SYNE1: variants seen among roughly 807,000 people sequenced by gnomAD.
SYNE1 encodes the protein nesprin-1.
SYNE1 carries 616 observed loss-of-function variants against 1,111.0 expected under a neutral mutation model. The observed-to-expected ratio is 0.55, with a 90% CI of 0.52 to 0.59. The LOEUF is 0.59. SYNE1 is among the 20% of genes least tolerant of loss of function. The probability of loss-of-function intolerance (pLI) is 0.00; values close to 1 mark genes in which losing one functional copy is unlikely to be tolerated. For missense variants in SYNE1, 10,006 were observed against 10,417.0 expected, an observed-to-expected ratio of 0.96 and a Z score of 1.72; for synonymous variants, 3,855 against 3,825.8, an observed-to-expected ratio of 1.01 and a Z score of -0.28.
intron 75 of SYNE1, among the ~76,000 whole-genome samples, chr6:152,338,233 C>G (rs2096449971): frequency 6.6e-6 from 1 of 152,044 alleles, no homozygotes; most frequent in African/African-American, 2.4e-5. Flanking sequence ...AGAGAAAAAC[C>G]TTATTATTTT....
At chr6:152,504,969 T>A (rs2099049981) in intron 9 of SYNE1, among the ~76,000 whole-genome samples, 1 of 152,220 alleles carries the variant, frequency 6.6e-6, no homozygotes, top group Non-Finnish European at 1.5e-5. Context: ...TTCACCCGAC[T>A]GACATACCAA....
chr6:152,207,016 G>T (rs1487559907), intron 125 of SYNE1, among the ~76,000 whole-genome samples: 2 of 152,140 alleles, frequency 1.3e-5, no homozygotes, highest in African/African-American at 4.8e-5. Flanking sequence ...AGTAAAAGTA[G>T]AATGGAAGAA....
At chr6:152,636,158 C>T (rs1019223908) in intron 2 of SYNE1, among the ~76,000 whole-genome samples, 1 of 152,204 alleles carries the variant, frequency 6.6e-6, no homozygotes, top group Non-Finnish European at 1.5e-5. Flanking sequence ...CCGCTGGAGT[C>T]TGACGCGCCA....
intron 28 of SYNE1, among the ~76,000 whole-genome samples, chr6:152,449,312 T>G (rs1012970804): frequency 1.3e-5 from 2 of 152,204 alleles, no homozygotes; most frequent in African/African-American, 2.4e-5. Context: ...AAAGATGCAT[T>G]TGTGGCACCA....
intron 75 of SYNE1, among the ~76,000 whole-genome samples, chr6:152,338,621 G>C (rs1047723359): frequency 5.3e-5 from 8 of 152,060 alleles, no homozygotes; most frequent in African/African-American, 1.7e-4. Context: ...TCAAAATAAA[G>C]AAACAAACAA....
intron 4 of SYNE1, among the ~76,000 whole-genome samples, chr6:152,537,522 T>A (rs1194739580): frequency 6.6e-6 from 1 of 152,086 alleles, no homozygotes; most frequent in Non-Finnish European, 1.5e-5. Flanking sequence ...CTTATTTGCA[T>A]ACTATCTCTT....
intron 82 of SYNE1, 41 bp downstream of exon 82, chr6:152,323,437 C>G (rs1175223454): frequency 1.2e-6 from 2 of 1,603,944 alleles, no homozygotes; most frequent in South Asian, 2.2e-5. Flanking sequence ...AGACTCCAAA[C>G]AAACAAACAA....
At chr6:152,368,836 A>T in intron 61 of SYNE1, 136 bp downstream of exon 61, 1 of 1,038,904 alleles carries the variant, frequency 9.6e-7, no homozygotes. Flanking sequence ...GAAACAGCAC[A>T]CACGCCCCTT....
chr6:152,188,458 G>A (rs1182753779), intron 128 of SYNE1, among the ~76,000 whole-genome samples: 3 of 151,972 alleles, frequency 2.0e-5, no homozygotes, highest in African/African-American at 7.3e-5. Flanking sequence ...TTTAATAAAT[G>A]AATAAAGTAT....
chr6:152,246,395 TA>T (rs1314392807), intron 105 of SYNE1, among the ~76,000 whole-genome samples: 6 of 151,114 alleles, frequency 4.0e-5, no homozygotes, highest in African/African-American at 7.3e-5. Flanking sequence ...ATGTATTCAT[TA>T]AAAAAAATAA....
At chr6:152,603,654 A>G (rs537547089) in intron 3 of SYNE1, among the ~76,000 whole-genome samples, 11 of 151,888 alleles carry the variant, frequency 7.2e-5, no homozygotes, top group African/African-American at 2.7e-4. Context: ...ATGCAAATTC[A>G]TCTCCCTATT....
intron 60 of SYNE1, 114 bp from the exon 61 acceptor site, chr6:152,369,241 A>G (rs1194677371): frequency 7.0e-7 from 1 of 1,437,284 alleles, no homozygotes; most frequent in East Asian, 2.4e-5. Context: ...TGTACCCTGG[A>G]GGCTTTATTA....
intron 3 of SYNE1, among the ~76,000 whole-genome samples, chr6:152,562,489 A>G (rs538222753): frequency 2.8e-4 from 43 of 152,316 alleles, no homozygotes; most frequent in Non-Finnish European, 5.6e-4. Flanking sequence ...CAGTATGAAG[A>G]TTTCTCAAAA....
At chr6:152,362,921 C>T (rs1390416519) in intron 63 of SYNE1, among the ~76,000 whole-genome samples, 4 of 151,646 alleles carry the variant, frequency 2.6e-5, no homozygotes, top group African/African-American at 9.7e-5. Flanking sequence ...GGCCGTCTCA[C>T]CCAGGCTGGA....
chr6:152,301,776 T>A, intron 92 of SYNE1, 93 bp downstream of exon 92: 1 of 1,350,734 alleles, frequency 7.4e-7, no homozygotes. Context: ...GATCGAAGGC[T>A]GGTCCCTGAA....
At chr6:152,466,134 A>T (rs2098765635) in intron 16 of SYNE1, 56 bp from the exon 17 acceptor site, 1 of 1,167,022 alleles carries the variant, frequency 8.6e-7, no homozygotes, top group East Asian at 2.4e-5. Context: ...GTAGAATGCC[A>T]AAGTCAATTT....
chr6:152,141,147 A>G, intron 139 of SYNE1, 56 bp downstream of exon 139: 1 of 1,613,068 alleles, frequency 6.2e-7, no homozygotes, highest in Non-Finnish European at 8.5e-7. Flanking sequence ...GCTGTTAACA[A>G]AGTGCTTCAG....
chr6:152,343,911 T>C (rs552560246), intron 74 of SYNE1, among the ~76,000 whole-genome samples, 170 bp downstream of exon 74: 25 of 152,318 alleles, frequency 1.6e-4, no homozygotes, highest in Non-Finnish European at 1.9e-4. Context: ...CAGTATCATG[T>C]CCATCTTCTG....
At chr6:152,275,699 G>A (rs370976365) in intron 98 of SYNE1, among the ~76,000 whole-genome samples, 60 of 151,420 alleles carry the variant, frequency 4.0e-4, no homozygotes, top group South Asian at 3.4e-3. Flanking sequence ...GGGCAACATT[G>A]AGAGACCTCC....
Sources: allele counts gnomAD v4.1 joint callset (sites outside exome capture counted in the v4.1 genomes callset), GRCh38; gene constraint gnomAD v4.1.1; transcripts MANE v1.5; gene names NCBI Gene and HGNC (gene_info 2026-07-23, HGNC 2026-07-21).